The following DNAJC7 variants were observed in gnomAD, a reference collection of about 807,000 sequenced individuals.
DNAJC7 encodes dnaJ homolog subfamily C member 7.
In DNAJC7, 18 loss-of-function variants were observed where a neutral mutation model predicts 67.4. That is an observed-to-expected ratio of 0.27 (90% CI 0.18 to 0.40). The LOEUF (loss-of-function observed/expected upper bound fraction) is 0.40, where lower values mean the gene tolerates loss of function less well. Ranked by LOEUF, DNAJC7 falls within the 10% of genes least tolerant of loss-of-function variation. The probability of loss-of-function intolerance (pLI) is 1.00; values close to 1 mark genes in which losing one functional copy is unlikely to be tolerated. For missense variants in DNAJC7, 419 were observed against 613.8 expected, an observed-to-expected ratio of 0.68 and a Z score of 3.35; for synonymous variants, 220 against 207.8, an observed-to-expected ratio of 1.06 and a Z score of -0.50.
chr17:41,993,834 C>G (rs532364730), intron 5 of DNAJC7, among the ~76,000 whole-genome samples: 1 of 137,290 alleles, frequency 7.3e-6, no homozygotes, highest in Non-Finnish European at 1.6e-5. Flanking sequence ...GTCGGGAGTA[C>G]GAGACCAGCC....
intron 7 of DNAJC7, 32 bp from the exon 8 acceptor site, chr17:41,988,928 A>G: frequency 1.2e-6 from 2 of 1,610,488 alleles, no homozygotes; most frequent in South Asian, 2.2e-5. Flanking sequence ...GGATCGGTTC[A>G]TATCCACAAA....
At chr17:42,009,383 T>C (rs145315150) in intron 1 of DNAJC7, among the ~76,000 whole-genome samples, 32 of 152,330 alleles carry the variant, frequency 2.1e-4, no homozygotes, top group African/African-American at 7.5e-4. Flanking sequence ...CACTCCCTAC[T>C]GTTCAGGCAG....
intron 5 of DNAJC7, among the ~76,000 whole-genome samples, chr17:41,991,741 A>G (rs782784193): frequency 2.6e-5 from 4 of 152,048 alleles, no homozygotes; most frequent in Admixed American, 6.6e-5. Context: ...TATCAGTGGC[A>G]CAATCATGGC....
intron 1 of DNAJC7, among the ~76,000 whole-genome samples, chr17:42,003,745 A>C (rs563154240): frequency 6.9e-6 from 1 of 145,912 alleles, no homozygotes; most frequent in Non-Finnish European, 1.5e-5. Context: ...TAGACCAATT[A>C]AAAAAAAAAA....
chr17:41,996,525 G>C (rs1394795761), intron 3 of DNAJC7, 101 bp from the exon 4 acceptor site: 2 of 1,008,642 alleles, frequency 2.0e-6, no homozygotes, highest in Non-Finnish European at 2.9e-6. Context: ...ACAGAGGCCA[G>C]GCGCGGTGAC....
chr17:42,007,943 T>A (rs1328925531), intron 1 of DNAJC7, among the ~76,000 whole-genome samples: 4 of 145,332 alleles, frequency 2.8e-5, no homozygotes, highest in African/African-American at 1.0e-4. Context: ...CCTCCCAGGT[T>A]CAACTGATTC....
intron 1 of DNAJC7, among the ~76,000 whole-genome samples, chr17:42,004,285 G>A (rs2143295448): frequency 6.6e-6 from 1 of 152,262 alleles, no homozygotes; most frequent in South Asian, 2.1e-4. Context: ...TTCTGAGGTG[G>A]TTATGGCAAT....
Position 41,997,059 on chromosome 17 carries a change from G to A in DNAJC7, c.291+56C>T, listed in dbSNP as rs551714792. The A allele has an allele frequency of 1.5e-5, 24 of 1,610,756 alleles. No homozygotes were observed. In the African/African-American group the frequency reaches 2.8e-4, roughly 19 times the overall value. On this transcript the variant is annotated intron_variant, in intron 3 of 13. Transcript: ENST00000457167. ...GTCAAGGTTGAGAAATACGGGGCTA[G>A]AGAAACTCAACTGTAGCAACCCAGC...
chr17:42,009,169 A>C (rs2052052762), intron 1 of DNAJC7, among the ~76,000 whole-genome samples: 4 of 152,246 alleles, frequency 2.6e-5, no homozygotes, highest in Admixed American at 2.6e-4. Context: ...CAGAATAGAT[A>C]GTTTTCACTT....
At chr17:41,980,230 C>A (rs2051213280) in intron 12 of DNAJC7, among the ~76,000 whole-genome samples, 1 of 150,984 alleles carries the variant, frequency 6.6e-6, no homozygotes, top group African/African-American at 2.4e-5. Flanking sequence ...TTGTATTTTT[C>A]ATAGAGACGG....
At chr17:42,000,268 G>C (rs975986486) in intron 2 of DNAJC7, among the ~76,000 whole-genome samples, 1 of 150,682 alleles carries the variant, frequency 6.6e-6, no homozygotes, top group African/African-American at 2.4e-5. Flanking sequence ...ACAGGTGCCC[G>C]CCACCAGGCC....
rs2051688172 is a variant in DNAJC7 at position 41,997,305 on chromosome 17, G to A, written c.167-66C>T. 3.9e-6 allele frequency: 6 copies of A among 1,557,266 alleles called. No individual in the cohort carries two copies. In the South Asian group the frequency reaches 5.9e-5, roughly 15 times the overall value. On this transcript the variant is annotated intron_variant, in intron 2 of 13. Transcript: ENST00000457167. ...AGGTCCCTGCTTTGAAAACTTAGAG[G>A]GGGCTGGGCGCAGTGGCTCATGCCC...
At chr17:41,992,796 C>T (rs1043840883) in intron 5 of DNAJC7, 1 of 152,130 alleles carries the variant, frequency 6.6e-6, no homozygotes, top group African/African-American at 2.4e-5. Flanking sequence ...TTTGTGACAT[C>T]ACCGTGAGCT....
intron 6 of DNAJC7, among the ~76,000 whole-genome samples, 186 bp downstream of exon 6, chr17:41,990,078 T>C (rs1039467921): frequency 5.3e-5 from 8 of 152,256 alleles, no homozygotes; most frequent in Non-Finnish European, 1.0e-4. Flanking sequence ...GTACCTGCTA[T>C]ACTACTATAC....
At position 41,996,307 on chromosome 17, in the gene DNAJC7, G is replaced by A. The variant is rs145740940; in HGVS notation, c.405+4C>T. The A allele has an allele frequency of 2.7e-4, 436 of 1,612,834 alleles. 2 individuals carry two copies. The highest frequency in any genetic ancestry group is 3.2e-4 in the Non-Finnish European group (374 of 1,179,350). Reference sequence around the variant, plus strand: ...TTTTGACAGAAACAGGATCAGACCCGTACCTCTTGTTGTGCCTGAGCATTT... The same window carrying A: ...TTTTGACAGAAACAGGATCAGACCCATACCTCTTGTTGTGCCTGAGCATTT... On this transcript the variant is annotated splice_donor_region_variant and intron_variant, in intron 4 of 13. Coordinates refer to ENST00000457167, the MANE Select transcript of DNAJC7 (RefSeq NM_003315.4).
chr17:41,997,311 G>C, intron 2 of DNAJC7, 72 bp from the exon 3 acceptor site: 1 of 1,540,846 alleles, frequency 6.5e-7, no homozygotes, highest in Non-Finnish European at 8.8e-7. Flanking sequence ...AGAGGGGGCT[G>C]GGCGCAGTGG....
At chr17:41,989,278 A>C (rs1555647318) in intron 7 of DNAJC7, 126 bp downstream of exon 7, 1 of 1,312,336 alleles carries the variant, frequency 7.6e-7, no homozygotes, top group East Asian at 2.3e-5. Context: ...ATAAAGACCA[A>C]GCATCCTTGC....
At chr17:41,978,634 T>C (rs2051154842) in intron 12 of DNAJC7, among the ~76,000 whole-genome samples, 1 of 151,498 alleles carries the variant, frequency 6.6e-6, no homozygotes. Context: ...CCAAGGTGGG[T>C]GGATCACGAG....
At chr17:42,010,321 A>AG (rs1298985171) in intron 1 of DNAJC7, among the ~76,000 whole-genome samples, 3 of 7,958 alleles carry the variant, frequency 3.8e-4, no homozygotes, top group Non-Finnish European at 6.3e-4. Context: ...CTGTCTCTAC[A>AG]AAAAAAAAAA....
Sources: gnomAD v4.1 joint callset for allele counts (sites outside exome capture counted in the v4.1 genomes callset) on GRCh38, gnomAD v4.1.1 for gene constraint, MANE v1.5 for transcripts, NCBI Gene and HGNC (gene_info 2026-07-23, HGNC 2026-07-21) for gene names.